CACNG5: variants seen among roughly 807,000 people sequenced by gnomAD.
CACNG5 encodes calcium voltage-gated channel auxiliary subunit gamma 5, also known as voltage-dependent calcium channel gamma-5 subunit.
In CACNG5, 18 loss-of-function variants were observed where a neutral mutation model predicts 24.8. The observed-to-expected ratio is 0.73, with a 90% CI of 0.50 to 1.08. The LOEUF is 1.08. Ranked by LOEUF, CACNG5 falls within the 50% of genes least tolerant of loss-of-function variation. CACNG5 has a pLI of 0.00. For synonymous variants in CACNG5, 157 were observed against 149.1 expected (o/e 1.05, Z -0.39); for missense variants, 349 against 367.9 (o/e 0.95, Z 0.42).
intron 1 of CACNG5, among the ~76,000 whole-genome samples, chr17:66,854,743 G>A (rs781694139): frequency 2.0e-5 from 3 of 151,920 alleles, no homozygotes; most frequent in African/African-American, 4.8e-5. Context: ...TGTGCAGAAC[G>A]TTTCAGCACA....
At position 66,888,099 on chromosome 17, in the gene CACNG5, G is replaced by A. The variant is rs1977287792; in HGVS notation, c.*2859G>A. On this transcript the variant is annotated 3_prime_UTR_variant, in exon 6 of 6. Coordinates refer to ENST00000533854, the MANE Select transcript of CACNG5 (RefSeq NM_145811.3). ...AATAAACCCAAGTGTCATGATTTAT[G>A]GAATAAAATAACTTGGGGTAATCAG... 6.6e-6 allele frequency among the ~76,000 whole-genome samples: 1 copy of A among 151,630 alleles called. No individual in the cohort carries two copies. The highest frequency in any genetic ancestry group is 2.4e-5 in the African/African-American group (1 of 41,244).
chr17:66,872,729 GC>G (rs1977026839), intron 1 of CACNG5, among the ~76,000 whole-genome samples: 1 of 152,126 alleles, frequency 6.6e-6, no homozygotes, highest in Admixed American at 6.6e-5. Flanking sequence ...TATTAGTCCT[GC>G]CACCCCACTA....
intron 1 of CACNG5, among the ~76,000 whole-genome samples, chr17:66,842,165 T>C (rs1280291464): frequency 6.6e-6 from 1 of 152,030 alleles, no homozygotes; most frequent in Non-Finnish European, 1.5e-5. Flanking sequence ...CTGTGAAATA[T>C]AAAAGTGATC....
In CACNG5 at chr17:66,890,575, C is replaced by T. The variant is rs1286699784; in HGVS notation, c.*5335C>T. On this transcript the variant is annotated 3_prime_UTR_variant, in exon 6 of 6. Transcript: ENST00000533854. The stretch of plus-strand genomic sequence containing the variant: ...CCTTCTGGTGTGTGAAGCCAGGACT[C>T]CCTGTGTGCTCACTGTGGGGCTAAG... Among the ~76,000 whole-genome samples the T allele has an allele frequency of 6.6e-6, 1 of 152,208 alleles. No individual in the cohort carries two copies. The highest frequency in any genetic ancestry group is 1.5e-5 in the Non-Finnish European group (1 of 68,030).
intron 1 of CACNG5, among the ~76,000 whole-genome samples, chr17:66,846,210 A>G (rs1976636665): frequency 6.6e-6 from 1 of 152,232 alleles, no homozygotes; most frequent in Non-Finnish European, 1.5e-5. Context: ...TGATATAAAT[A>G]GATGCAGTCT....
chr17:66,835,379 G>C lies in CACNG5; in HGVS notation c.-104+129G>C, dbSNP rs547715847. 353 of 152,602 alleles carry C rather than the reference G, an allele frequency of 2.3e-3. 2 individuals are homozygous for C. Among genetic ancestry groups the C allele is most frequent in the Middle Eastern group, 0.01 (3 of 298 alleles). The allele number at this position is 152,602 out of a possible 1,614,324, so 9.5% of individuals were successfully genotyped here. A position where few individuals can be genotyped will look rare whatever the true frequency, so the allele number is the denominator to read the frequency against. ...CATGACAGCCCAGCCAGGGGCAGGG[G>C]CTGGAGAGCCCTAGCGATCGCGCAC... On this transcript the variant is annotated intron_variant, in intron 1 of 5. Transcript: ENST00000533854.
intron 1 of CACNG5, among the ~76,000 whole-genome samples, chr17:66,851,469 C>G (rs1226199773): frequency 6.6e-6 from 1 of 152,180 alleles, no homozygotes; most frequent in Non-Finnish European, 1.5e-5. Flanking sequence ...TTAGTACAGA[C>G]AGCAAATGGG....
intron 1 of CACNG5, among the ~76,000 whole-genome samples, chr17:66,870,473 G>T (rs1384281634): frequency 6.6e-6 from 1 of 152,210 alleles, no homozygotes; most frequent in African/African-American, 2.4e-5. Flanking sequence ...TAGAGGCTAA[G>T]GATGCTATAA....
At chr17:66,869,854 T>C (rs558647488) in intron 1 of CACNG5, among the ~76,000 whole-genome samples, 1 of 151,896 alleles carries the variant, frequency 6.6e-6, no homozygotes, top group African/African-American at 2.4e-5. Context: ...GAGGCCGAGG[T>C]GGGTGGATCA....
rs1424184481 is a variant in CACNG5 at position 66,885,046 on chromosome 17, C to T, written c.634C>T (p.Pro212Ser). The change falls in exon 6 of 6, where the codon CCC (proline) becomes TCC (serine). Residue 212 changes from proline (P) to serine (S), a missense_variant. Physicochemically the swap from Pro to Ser is moderately conservative, Grantham distance 74. Transcript: ENST00000533854. ...GTACACCGCGGAGGACATGTACAGG[C>T]CCCACCCTGGCTTCTACCGCCCTCG... ...KRYTAEDMYR[P>S]HPGFYRPRLS... 4.3e-6 allele frequency: 7 copies of T among 1,614,078 alleles called. No homozygotes were observed. In the Admixed American group the frequency reaches 8.3e-5, roughly 19 times the overall value.
Position 66,851,691 on chromosome 17 carries a change from C to T in CACNG5, c.-104+16441C>T, listed in dbSNP as rs916727925. On this transcript the variant is annotated intron_variant, in intron 1 of 5. Coordinates refer to ENST00000533854, the MANE Select transcript of CACNG5 (RefSeq NM_145811.3). ...AAAATTGCCCAAACTGAGGAAATACCGGAAAGGGAAAAAGAGAGAGAAAAC... is the reference window on the plus strand; with the variant it reads ...AAAATTGCCCAAACTGAGGAAATACTGGAAAGGGAAAAAGAGAGAGAAAAC... Among the ~76,000 whole-genome samples the T allele has an allele frequency of 7.3e-5, 11 of 151,632 alleles. No homozygotes were observed. In the East Asian group the frequency reaches 1.6e-3, roughly 21 times the overall value.
rs931350688 is a variant in CACNG5 at position 66,892,344 on chromosome 17, G to C, written c.*7104G>C. ...ATTCACTGGTATGCAGCTAGAGCCT[G>C]CCCCTGGAAAGAGGATAGAGAACAT... On this transcript the variant is annotated 3_prime_UTR_variant, in exon 6 of 6. Coordinates refer to ENST00000533854, the MANE Select transcript of CACNG5 (RefSeq NM_145811.3). 6.6e-6 allele frequency among the ~76,000 whole-genome samples: 1 copy of C among 152,200 alleles called. No individual in the cohort carries two copies. Among genetic ancestry groups the C allele is most frequent in the Non-Finnish European group, 1.5e-5 (1 of 68,034 alleles).
At position 66,885,261 on chromosome 17, in the gene CACNG5, T is replaced by G; in HGVS notation, c.*21T>G. The G allele has an allele frequency of 6.4e-7, 1 of 1,550,802 alleles. No individual in the cohort carries two copies. Among genetic ancestry groups the G allele is most frequent in the Non-Finnish European group, 8.7e-7 (1 of 1,154,796 alleles). ...GCTGAGCCTCGGCCGCCCCCATCCC[T>G]GGACTGTGGGTGGCCAGACAACCCT... On this transcript the variant is annotated 3_prime_UTR_variant, in exon 6 of 6. Transcript: ENST00000533854.
At chr17:66,859,368 A>G (rs1009013443) in intron 1 of CACNG5, among the ~76,000 whole-genome samples, 1 of 152,108 alleles carries the variant, frequency 6.6e-6, no homozygotes, top group Non-Finnish European at 1.5e-5. Flanking sequence ...GGAGGGATAG[A>G]GTGTGGTGGA....
rs961404595 is a variant in CACNG5, at chr17:66,892,935, G to A, written c.*7695G>A. The stretch of plus-strand genomic sequence containing the variant: ...CCAGGCACAGTCTCTTGCAAATGTC[G>A]ATTCAGATACTACGACTTCAGCTTC... On this transcript the variant is annotated 3_prime_UTR_variant, in exon 6 of 6. Transcript: ENST00000533854. Among the ~76,000 whole-genome samples, 2 of 152,244 alleles carry A rather than the reference G, an allele frequency of 1.3e-5. No homozygotes were observed. Among genetic ancestry groups the A allele is most frequent in the Admixed American group, 6.5e-5 (1 of 15,292 alleles).
chr17:66,868,835 C>T (rs1174708542), intron 1 of CACNG5, among the ~76,000 whole-genome samples: 1 of 152,116 alleles, frequency 6.6e-6, no homozygotes, highest in South Asian at 2.1e-4. Context: ...ATTTTATCTC[C>T]TCACATCAGA....
rs187781849 is a variant in CACNG5, at chr17:66,844,275, C to T, written c.-104+9025C>T. Reference sequence around the variant, plus strand: ...ATTAGCTTGGGAATTCAAACCTGTGCTATTAATCACTAGTCCTGGGCCCCT... The same window carrying T: ...ATTAGCTTGGGAATTCAAACCTGTGTTATTAATCACTAGTCCTGGGCCCCT... On this transcript the variant is annotated intron_variant, in intron 1 of 5. Coordinates refer to ENST00000533854, the MANE Select transcript of CACNG5 (RefSeq NM_145811.3). 3.6e-3 allele frequency among the ~76,000 whole-genome samples: 543 copies of T among 152,304 alleles called. 4 individuals carry two copies. Among genetic ancestry groups the T allele is most frequent in the Non-Finnish European group, 5.5e-3 (373 of 68,030 alleles).
chr17:66,855,206 G>A (rs1976757888), intron 1 of CACNG5, among the ~76,000 whole-genome samples: 1 of 152,224 alleles, frequency 6.6e-6, no homozygotes, highest in Non-Finnish European at 1.5e-5. Flanking sequence ...CAAGTGTCTT[G>A]TCAGAGTTCA....
At chr17:66,861,344 G>A (rs2143073726) in intron 1 of CACNG5, among the ~76,000 whole-genome samples, 1 of 152,336 alleles carries the variant, frequency 6.6e-6, no homozygotes, top group Middle Eastern at 3.4e-3. Context: ...CCAGGCTAGA[G>A]TCTCTATTTT....
Sources: allele counts gnomAD v4.1 joint callset (sites outside exome capture counted in the v4.1 genomes callset), GRCh38; gene constraint gnomAD v4.1.1; transcripts MANE v1.5; gene names NCBI Gene and HGNC (gene_info 2026-07-23, HGNC 2026-07-21).